The following DEAF1 variants were observed in gnomAD, a reference collection of about 807,000 sequenced individuals.
DEAF1 encodes deformed epidermal autoregulatory factor 1 homolog.
In DEAF1, 53 loss-of-function variants were observed where a neutral mutation model predicts 58.9. The observed-to-expected ratio is 0.90, with a 90% confidence interval of 0.72 to 1.13. DEAF1 has a LOEUF of 1.13. DEAF1 is among the 50% of genes most tolerant of loss of function. The pLI, the probability that DEAF1 is intolerant of heterozygous loss-of-function variation, is 0.00. For synonymous variants in DEAF1, 385 were observed against 340.4 expected, an observed-to-expected ratio of 1.13 and a Z score of -1.44; for missense variants, 685 against 791.4, an observed-to-expected ratio of 0.87 and a Z score of 1.61.
At chr11:689,738 C>T (rs745531990) in intron 2 of DEAF1, 4 of 152,228 alleles carry the variant, frequency 2.6e-5, no homozygotes, top group Non-Finnish European at 4.4e-5. Context: ...GAAGGGAACA[C>T]ACAGTTATTT....
chr11:689,202 C>CTTTTT (rs34046317), intron 2 of DEAF1, among the ~76,000 whole-genome samples: 65 of 93,946 alleles, frequency 6.9e-4, no homozygotes, highest in Non-Finnish European at 1.0e-3. Context: ...TTTTCTTTTT[C>CTTTTT]TTTTTTTTTT....
chr11:703,741 A>G (rs1452273158), intron 1 of DEAF1: 6 of 1,232,586 alleles, frequency 4.9e-6, no homozygotes, highest in East Asian at 6.3e-5. Flanking sequence ...AATAAATGCA[A>G]ACAAGCCAAC....
At chr11:657,583 T>C (rs956509471) in intron 10 of DEAF1, among the ~76,000 whole-genome samples, 2 of 152,096 alleles carry the variant, frequency 1.3e-5, no homozygotes, top group African/African-American at 4.8e-5. Context: ...CCTGACTAAA[T>C]GTGCAAAGGG....
intron 10 of DEAF1, chr11:674,259 G>C (rs4073590): frequency 0.53 from 241,741 of 452,648 alleles, 67,212 homozygotes; most frequent in East Asian, 0.73. Flanking sequence ...GCCTAGAAAA[G>C]GTGAGTATTC....
intron 1 of DEAF1, chr11:703,084 G>A (rs1462883161): frequency 8.1e-6 from 13 of 1,612,122 alleles, no homozygotes; most frequent in African/African-American, 4.0e-5. Flanking sequence ...TCAGCGCCAC[G>A]CTCCTGGCCC....
chr11:701,355 ATTTTGTTTTG>A (rs1013633727), intron 1 of DEAF1, among the ~76,000 whole-genome samples: 2 of 137,390 alleles, frequency 1.5e-5, no homozygotes, highest in South Asian at 2.3e-4. Context: ...CGCCCAGCTA[ATTTTGTTTTG>A]TTTTGTTTTG....
chr11:688,463 A>C lies in DEAF1; in HGVS notation c.388-3T>G. On this transcript the variant is annotated splice_polypyrimidine_tract_variant and splice_region_variant and intron_variant, in intron 2 of 11. Coordinates refer to ENST00000382409, the MANE Select transcript of DEAF1 (RefSeq NM_021008.4). The surrounding 1 kb of genome is among the most constrained non-coding windows in gnomAD (Gnocchi z 4.3). ...ATCTGAAGGGCCGTCCTACCAGACTAGAAGGAAAAACCGCTCCGTCAGGTC... is the reference window on the plus strand; with the variant it reads ...ATCTGAAGGGCCGTCCTACCAGACTCGAAGGAAAAACCGCTCCGTCAGGTC... 6.2e-7 allele frequency: 1 copy of C among 1,613,652 alleles called. No individual in the cohort carries two copies. The highest frequency in any genetic ancestry group is 8.5e-7 in the Non-Finnish European group (1 of 1,179,990).
intron 1 of DEAF1, chr11:703,012 C>T (rs766520397): frequency 2.6e-5 from 42 of 1,612,214 alleles, no homozygotes; most frequent in East Asian, 2.0e-4. Flanking sequence ...CGGCTGGCAC[C>T]GCCCTCCTCT....
chr11:694,964 C>CGCCGCCGCCACAGCGGCCGCG lies in DEAF1; in HGVS notation c.63_83dup (p.Val25_Ala31dup), dbSNP rs1019773058. The CGCCGCCGCCACAGCGGCCGCG allele has an allele frequency of 8.6e-7, 1 of 1,164,124 alleles. No individual in the cohort carries two copies. 72.1% of individuals were successfully genotyped at this position (1,164,124 alleles called of 1,614,324 possible). On this transcript the variant is annotated inframe_insertion, in exon 1 of 12. Transcript: ENST00000382409. The stretch of plus-strand genomic sequence containing the variant: ...CCTCGCCTCCTGCCGCGGCCGCGGC[C>CGCCGCCGCCACAGCGGCCGCG]GCCGCCGCCACAGCGGCCGCGGCCG...
In DEAF1 at chr11:687,156, C is replaced by T. The variant is rs74045094; in HGVS notation, c.665-159G>A. 7.4e-3 allele frequency among the ~76,000 whole-genome samples: 1,125 copies of T among 152,348 alleles called. 9 individuals are homozygous for T. Among genetic ancestry groups the T allele is most frequent in the African/African-American group, 0.025 (1,042 of 41,582 alleles). On this transcript the variant is annotated intron_variant, in intron 4 of 11. Coordinates refer to ENST00000382409, the MANE Select transcript of DEAF1 (RefSeq NM_021008.4). ...ATACTTGGCCCTGACAGGTCCACCA[C>T]GGGTCTGCCTTTGCAGCCTGTGCCT...
chr11:687,321 G>A (rs546462853), intron 4 of DEAF1, among the ~76,000 whole-genome samples: 2 of 152,220 alleles, frequency 1.3e-5, no homozygotes, highest in Non-Finnish European at 2.9e-5. Flanking sequence ...TGAGGAACAC[G>A]TCCCAGCCCT....
At chr11:695,301 G>T, upstream of DEAF1, 1 of 457,738 alleles carries the variant, frequency 2.2e-6, no homozygotes, top group Non-Finnish European at 3.8e-6. Context: ...AGCCGAGACC[G>T]AGTCCTGAAC....
At chr11:696,035 C>T (rs758077425), upstream of DEAF1, among the ~76,000 whole-genome samples, 20 of 151,970 alleles carry the variant, frequency 1.3e-4, no homozygotes, top group Non-Finnish European at 2.2e-4. Flanking sequence ...GCGTCCTGCA[C>T]CCCGAAGAGC....
intron 10 of DEAF1, among the ~76,000 whole-genome samples, chr11:665,146 AGTAAGT>A (rs1308839571): frequency 5.6e-5 from 7 of 125,638 alleles, no homozygotes; most frequent in Admixed American, 4.7e-4. Context: ...GGTCACTCTA[AGTAAGT>A]CCTGGCTCAG....
In DEAF1 at chr11:644,458, A is replaced by T; in HGVS notation, c.*92T>A. 1.1e-6 allele frequency: 1 copy of T among 931,006 alleles called. No homozygotes were observed. The highest frequency in any genetic ancestry group is 1.7e-6 in the Non-Finnish European group (1 of 589,256). The allele number at this position is 931,006 out of a possible 1,614,324, so 57.7% of individuals were successfully genotyped here. On this transcript the variant is annotated 3_prime_UTR_variant, in exon 12 of 12. Transcript: ENST00000382409. This position sits in a 1 kb window ranked among gnomAD's most constrained non-coding sequence, Gnocchi z 4.3. ...TTACCTTCCCACACCCCTCTTCTCAACGTCCCCCCAGAGTCCTCAGGGGGG... is the reference window on the plus strand; with the variant it reads ...TTACCTTCCCACACCCCTCTTCTCATCGTCCCCCCAGAGTCCTCAGGGGGG...
intron 5 of DEAF1, among the ~76,000 whole-genome samples, chr11:686,473 C>G (rs1860597470): frequency 1.3e-5 from 2 of 152,274 alleles, no homozygotes; most frequent in South Asian, 4.1e-4. Context: ...GTCCTCTTTT[C>G]TTAGTAGACT....
intron 1 of DEAF1, chr11:703,541 C>T: frequency 8.1e-7 from 1 of 1,234,874 alleles, no homozygotes; most frequent in Non-Finnish European, 1.0e-6. Context: ...CATCCCCCAT[C>T]ACCCCCTAGT....
At chr11:645,754 C>A (rs1858461895) in intron 11 of DEAF1, among the ~76,000 whole-genome samples, 1 of 152,228 alleles carries the variant, frequency 6.6e-6, no homozygotes, top group African/African-American at 2.4e-5. Context: ...GGCTCTGCCT[C>A]CCTGCTACGT....
At chr11:673,821 C>T (rs931413693) in intron 10 of DEAF1, among the ~76,000 whole-genome samples, 5 of 152,158 alleles carry the variant, frequency 3.3e-5, no homozygotes. Context: ...GAGAAACCTC[C>T]ACCCTCTCTC....
Sources: gnomAD v4.1 joint callset for allele counts (sites outside exome capture counted in the v4.1 genomes callset) on GRCh38, gnomAD v4.1.1 for gene constraint, Gnocchi (gnomAD v3.1) non-coding constraint, MANE v1.5 for transcripts, NCBI Gene and HGNC (gene_info 2026-07-23, HGNC 2026-07-21) for gene names.